TASP1: variants seen among roughly 807,000 people sequenced by gnomAD.
The protein encoded by TASP1 is taspase 1.
In TASP1, 16 loss-of-function variants were observed where a neutral mutation model predicts 56.6. That is an observed-to-expected ratio of 0.28 (90% CI 0.19 to 0.43). The LOEUF (loss-of-function observed/expected upper bound fraction) is 0.43, where lower values mean the gene tolerates loss of function less well. Among genes scored for constraint, TASP1 ranks in the 20% least tolerant of loss-of-function variants. The pLI is 1.00. For missense variants in TASP1, 393 were observed against 511.6 expected (o/e 0.77, Z 2.24); for synonymous variants, 179 against 184.2 (o/e 0.97, Z 0.23).
At chr20:13,321,997 A>C in the TASP1 span, among the ~76,000 whole-genome samples, 10 of 152,240 alleles carry the variant, frequency 6.6e-5, no homozygotes, top group African/African-American at 1.9e-4. Context: ...GTTGCCATGA[A>C]GAATTAATGA....
At chr20:13,133,052 C>G in the TASP1 span, 1 of 152,404 alleles carries the variant, frequency 6.6e-6, no homozygotes, top group African/African-American at 2.4e-5. Flanking sequence ...ATCATTCTCT[C>G]TCTTTGAAAA....
chr20:13,325,108 A>T, the TASP1 span, among the ~76,000 whole-genome samples: 1 of 152,192 alleles, frequency 6.6e-6, no homozygotes, highest in African/African-American at 2.4e-5. Context: ...AGGAACAGAG[A>T]GCCACTCGAC....
chr20:13,256,395 CA>C, the TASP1 span, among the ~76,000 whole-genome samples: 1,716 of 71,796 alleles, frequency 0.024, 9 homozygotes, highest in African/African-American at 0.058. Context: ...GACCCCGTCT[CA>C]AAAAAAAAAA....
chr20:13,278,907 T>C, the TASP1 span, among the ~76,000 whole-genome samples: 1 of 152,182 alleles, frequency 6.6e-6, no homozygotes, highest in African/African-American at 2.4e-5. Flanking sequence ...TCTACACATG[T>C]AGTGGTCTAG....
intron 12 of TASP1, among the ~76,000 whole-genome samples, chr20:13,422,145 G>A (rs1044200202): frequency 6.6e-6 from 1 of 151,810 alleles, no homozygotes; most frequent in Admixed American, 6.6e-5. Context: ...TAGAGACGGG[G>A]TTTCACTGTG....
chr20:13,536,762 A>C (rs1474168418), intron 8 of TASP1, among the ~76,000 whole-genome samples: 1 of 152,106 alleles, frequency 6.6e-6, no homozygotes, highest in Non-Finnish European at 1.5e-5. Context: ...TAAATAATCA[A>C]ATTGTGACTT....
In TASP1 at chr20:13,535,543, G is replaced by C. The variant is rs138286427; in HGVS notation, c.676-1402C>G. On this transcript the variant is annotated intron_variant, in intron 8 of 13. Coordinates refer to ENST00000337743, the MANE Select transcript of TASP1 (RefSeq NM_017714.3). ...CCTCTTTTAACCACAGCTAGGGAAAGTCTAGCCAATGGATCCACATGGTCA... is the reference window on the plus strand; with the variant it reads ...CCTCTTTTAACCACAGCTAGGGAAACTCTAGCCAATGGATCCACATGGTCA... Among the ~76,000 whole-genome samples the C allele has an allele frequency of 2.6e-3, 392 of 152,296 alleles. 2 individuals carry two copies. The highest frequency in any genetic ancestry group is 8.7e-3 in the African/African-American group (362 of 41,562).
chr20:13,292,583 T>A, the TASP1 span: 1 of 674,410 alleles, frequency 1.5e-6, no homozygotes, highest in Non-Finnish European at 2.6e-6. Context: ...TGGGGTCCAG[T>A]GCTCCCAGCA....
chr20:13,565,612 T>G (rs191134262), intron 7 of TASP1, among the ~76,000 whole-genome samples: 12 of 152,246 alleles, frequency 7.9e-5, no homozygotes, highest in African/African-American at 2.6e-4. Context: ...ATAATCATTA[T>G]GGAAATGCAA....
the TASP1 span, among the ~76,000 whole-genome samples, chr20:13,175,636 A>T: frequency 1.3e-5 from 2 of 152,170 alleles, no homozygotes; most frequent in African/African-American, 2.4e-5. Flanking sequence ...CACAGGCCTG[A>T]CCTCACGAGT....
At chr20:13,543,009 A>G (rs1041357867) in intron 8 of TASP1, among the ~76,000 whole-genome samples, 3 of 152,236 alleles carry the variant, frequency 2.0e-5, no homozygotes, top group East Asian at 1.9e-4. Context: ...TTAAATAAAG[A>G]GACCAAAAAA....
the TASP1 span, among the ~76,000 whole-genome samples, chr20:13,290,865 A>G: frequency 6.6e-6 from 1 of 152,270 alleles, no homozygotes; most frequent in Non-Finnish European, 1.5e-5. Context: ...ACTGAGGCAT[A>G]GAGGATTAAC....
chr20:13,331,957 T>C, the TASP1 span, among the ~76,000 whole-genome samples: 3 of 152,128 alleles, frequency 2.0e-5, no homozygotes, highest in African/African-American at 7.2e-5. Flanking sequence ...AATTGACCCA[T>C]TTAATATAAT....
chr20:13,117,561 A>T, the TASP1 span: 1 of 1,612,578 alleles, frequency 6.2e-7, no homozygotes, highest in Non-Finnish European at 8.5e-7. Context: ...GAAGAAATAC[A>T]AGGCTTACCT....
At chr20:13,518,345 C>T (rs955665764) in intron 10 of TASP1, among the ~76,000 whole-genome samples, 43 of 152,078 alleles carry the variant, frequency 2.8e-4, no homozygotes, top group African/African-American at 9.7e-4. Context: ...TGCCTCTCAG[C>T]GTCTGGATCA....
chr20:13,448,091 G>A (rs909433411), intron 11 of TASP1, among the ~76,000 whole-genome samples: 1 of 151,970 alleles, frequency 6.6e-6, no homozygotes, highest in African/African-American at 2.4e-5. Flanking sequence ...TTCTATTTGT[G>A]CTTTTACAAT....
chr20:13,520,531 C>A (rs2044707851), intron 10 of TASP1, among the ~76,000 whole-genome samples: 1 of 152,112 alleles, frequency 6.6e-6, no homozygotes, highest in Admixed American at 6.6e-5. Context: ...GAAACGATTC[C>A]CTATTTAATA....
the TASP1 span, among the ~76,000 whole-genome samples, chr20:13,272,570 C>T: frequency 2.6e-5 from 4 of 152,182 alleles, no homozygotes; most frequent in African/African-American, 9.7e-5. Flanking sequence ...ATTGATGGCA[C>T]AGAGTGACAA....
At chr20:13,387,931 C>CA (rs2123542075), downstream of TASP1, among the ~76,000 whole-genome samples, 1 of 152,326 alleles carries the variant, frequency 6.6e-6, no homozygotes, top group South Asian at 2.1e-4. Flanking sequence ...ACAGGCACTC[C>CA]AGGTGCCTTA....
Sources: allele counts gnomAD v4.1 joint callset (sites outside exome capture counted in the v4.1 genomes callset), GRCh38; gene constraint gnomAD v4.1.1; transcripts MANE v1.5; gene names NCBI Gene and HGNC (gene_info 2026-07-23, HGNC 2026-07-21).